RIMS1: variants seen among roughly 807,000 people sequenced by gnomAD.
RIMS1 encodes the protein regulating synaptic membrane exocytosis protein 1.
A neutral mutation model predicts 214.1 loss-of-function variants in RIMS1; 83 were observed. That is an observed-to-expected ratio of 0.39 (90% confidence interval 0.32 to 0.47). The LOEUF is 0.47. Among genes scored for constraint, RIMS1 ranks in the 20% least tolerant of loss-of-function variants. The pLI, the probability that RIMS1 is intolerant of heterozygous loss-of-function variation, is 0.99. For missense variants in RIMS1, 2,050 were observed against 2,161.8 expected (o/e 0.95, Z 1.03); for synonymous variants, 793 against 786.8 (o/e 1.01, Z -0.13).
At chr6:72,013,918 A>G (rs972431480) in intron 2 of RIMS1, among the ~76,000 whole-genome samples, 2 of 152,136 alleles carry the variant, frequency 1.3e-5, no homozygotes, top group African/African-American at 4.8e-5. Context: ...GTAACCACTA[A>G]TCTACTTTCT....
At chr6:72,177,042 T>C (rs2047810668) in intron 4 of RIMS1, among the ~76,000 whole-genome samples, 1 of 152,190 alleles carries the variant, frequency 6.6e-6, no homozygotes, top group Non-Finnish European at 1.5e-5. Context: ...GTGATAATAA[T>C]TTCTAGAGAA....
intron 26 of RIMS1, among the ~76,000 whole-genome samples, chr6:72,304,655 A>C (rs979519813): frequency 6.6e-6 from 1 of 151,968 alleles, no homozygotes; most frequent in Non-Finnish European, 1.5e-5. Flanking sequence ...CCACATTTAC[A>C]CTGAAGGTTT....
chr6:71,900,010 A>G (rs1442210925), intron 1 of RIMS1, among the ~76,000 whole-genome samples: 2 of 152,144 alleles, frequency 1.3e-5, no homozygotes, highest in Non-Finnish European at 2.9e-5. Flanking sequence ...TCACCCACGT[A>G]AAATTAAAAT....
intron 2 of RIMS1, among the ~76,000 whole-genome samples, chr6:72,027,164 A>G (rs1816761290): frequency 1.3e-5 from 2 of 152,202 alleles, no homozygotes; most frequent in Non-Finnish European, 1.5e-5. Context: ...TATGCATTCT[A>G]AGACCAAACT....
In RIMS1 at chr6:72,179,680, C is replaced by G. The variant is rs1222038079; in HGVS notation, c.577C>G (p.Leu193Val). The G allele has an allele frequency of 6.2e-7, 1 of 1,613,894 alleles. No homozygotes were observed. The highest frequency in any genetic ancestry group is 1.1e-5 in the South Asian group (1 of 91,078). The change falls in exon 5 of 34, where the codon CTG becomes GTG. Residue 193 changes from leucine to valine, a missense_variant. This residue lies in a region of RIMS1 where 882 missense variants were observed against 828.9 expected (regional missense o/e 1.06). Transcript: ENST00000521978. Reference sequence around the variant, plus strand: ...TCAGCAGACAAGTCAGGATGGAACCCTGAGTGATACAGCTACAGGTGCTGG... The same window carrying G: ...TCAGCAGACAAGTCAGGATGGAACCGTGAGTGATACAGCTACAGGTGCTGG... ...GPQQTSQDGTLSDTATGAGSE... is the reference protein window; with the variant it reads ...GPQQTSQDGTVSDTATGAGSE...
intron 1 of RIMS1, among the ~76,000 whole-genome samples, chr6:71,901,241 A>G (rs1773514228): frequency 6.6e-6 from 1 of 152,098 alleles, no homozygotes; most frequent in East Asian, 1.9e-4. Context: ...ACACTATGAC[A>G]TAGGAATTCC....
chr6:72,270,238 A>G (rs1321983900), intron 22 of RIMS1, among the ~76,000 whole-genome samples: 2 of 152,180 alleles, frequency 1.3e-5, no homozygotes, highest in African/African-American at 2.4e-5. Flanking sequence ...AACTATGTGT[A>G]TTAATTAAAA....
At chr6:71,952,145 C>T (rs952313484) in intron 1 of RIMS1, among the ~76,000 whole-genome samples, 2 of 152,076 alleles carry the variant, frequency 1.3e-5, no homozygotes, top group Non-Finnish European at 2.9e-5. Context: ...GGGAAACCTA[C>T]GTGGGATTAT....
chr6:71,961,058 G>A (rs901786614), intron 1 of RIMS1, among the ~76,000 whole-genome samples: 1 of 152,078 alleles, frequency 6.6e-6, no homozygotes, highest in African/African-American at 2.4e-5. Flanking sequence ...CCCACCTCTG[G>A]CACAGGTACA....
intron 7 of RIMS1, 147 bp from the exon 8 acceptor site, chr6:72,235,471 A>G (rs1440406137): frequency 3.7e-6 from 2 of 540,518 alleles, no homozygotes; most frequent in Non-Finnish European, 6.6e-6. Context: ...TCATGCGGGA[A>G]CTAACATGTT....
intron 1 of RIMS1, 117 bp downstream of exon 1, chr6:71,887,304 C>T (rs971175680): frequency 4.5e-6 from 6 of 1,335,544 alleles, no homozygotes; most frequent in Non-Finnish European, 6.2e-6. Context: ...GTGCTGGGTG[C>T]GGACGGAGGC....
At chr6:72,329,546 TC>T (rs2096589785) in intron 28 of RIMS1, among the ~76,000 whole-genome samples, 1 of 151,716 alleles carries the variant, frequency 6.6e-6, no homozygotes, top group South Asian at 2.1e-4. Context: ...TTTTTTTTTT[TC>T]AAATTAACAT....
intron 32 of RIMS1, 74 bp downstream of exon 32, chr6:72,398,424 T>G: frequency 1.2e-6 from 1 of 829,964 alleles, no homozygotes; most frequent in Non-Finnish European, 1.9e-6. Flanking sequence ...TTGCTGCATT[T>G]GAATTTCATA....
intron 24 of RIMS1, among the ~76,000 whole-genome samples, chr6:72,288,364 C>G (rs1406775731): frequency 6.6e-6 from 1 of 152,128 alleles, no homozygotes; most frequent in Admixed American, 6.5e-5. Context: ...ACATGCATGC[C>G]TGCATATGCG....
At chr6:72,260,348 A>G (rs2077436425) in intron 18 of RIMS1, among the ~76,000 whole-genome samples, 1 of 152,088 alleles carries the variant, frequency 6.6e-6, no homozygotes, top group African/African-American at 2.4e-5. Context: ...CAGAATTCCC[A>G]TTAGTATCAG....
At chr6:72,106,347 A>T (rs1171578965) in intron 4 of RIMS1, among the ~76,000 whole-genome samples, 1 of 152,230 alleles carries the variant, frequency 6.6e-6, no homozygotes, top group Non-Finnish European at 1.5e-5. Flanking sequence ...TACATGGGAA[A>T]GAGTAGAAAA....
intron 29 of RIMS1, among the ~76,000 whole-genome samples, chr6:72,354,740 A>G (rs1456655041): frequency 1.3e-5 from 2 of 152,174 alleles, no homozygotes; most frequent in African/African-American, 4.8e-5. Context: ...TTGTAAACCC[A>G]TAGAACATCT....
At chr6:71,898,633 A>G (rs974100691) in intron 1 of RIMS1, among the ~76,000 whole-genome samples, 2 of 152,198 alleles carry the variant, frequency 1.3e-5, no homozygotes, top group African/African-American at 4.8e-5. Flanking sequence ...CTAAAGCAGC[A>G]TCACTAATAC....
intron 2 of RIMS1, among the ~76,000 whole-genome samples, chr6:72,070,905 C>T (rs1830435507): frequency 6.6e-6 from 1 of 152,108 alleles, no homozygotes; most frequent in South Asian, 2.1e-4. Flanking sequence ...TTTGTATAGC[C>T]TGTGAGGTAT....
Sources: gnomAD v4.1 joint callset for allele counts (sites outside exome capture counted in the v4.1 genomes callset) on GRCh38, gnomAD v4.1.1 for gene constraint, gnomAD v4.1.1 regional missense constraint, MANE v1.5 for transcripts, NCBI Gene and HGNC (gene_info 2026-07-23, HGNC 2026-07-21) for gene names.